GPR158: variants seen among roughly 807,000 people sequenced by gnomAD.
The protein encoded by GPR158 is metabotropic glycine receptor.
In GPR158, 30 loss-of-function variants were observed where a neutral mutation model predicts 78.2. That is an observed-to-expected ratio of 0.38 (90% CI 0.29 to 0.52). GPR158 has a LOEUF of 0.52. Among genes scored for constraint, GPR158 ranks in the 20% least tolerant of loss-of-function variants. The pLI, the probability that GPR158 is intolerant of heterozygous loss-of-function variation, is 0.83. For synonymous variants in GPR158, 581 were observed against 591.1 expected (o/e 0.98, Z 0.25); for missense variants, 1,463 against 1,523.5 (o/e 0.96, Z 0.66).
At chr10:25,350,645 G>A (rs1407547396) in intron 2 of GPR158, among the ~76,000 whole-genome samples, 2 of 151,992 alleles carry the variant, frequency 1.3e-5, no homozygotes, top group African/African-American at 2.4e-5. Context: ...CCAGGGAGGG[G>A]TGTATTGGCA....
At chr10:25,258,616 A>G (rs1853922353) in intron 2 of GPR158, among the ~76,000 whole-genome samples, 1 of 152,028 alleles carries the variant, frequency 6.6e-6, no homozygotes, top group African/African-American at 2.4e-5. Context: ...TTATGGTAGG[A>G]GGTAGGAATT....
chr10:25,267,686 G>A (rs1854061295), intron 2 of GPR158, among the ~76,000 whole-genome samples: 1 of 152,242 alleles, frequency 6.6e-6, no homozygotes, highest in South Asian at 2.1e-4. Flanking sequence ...AATTTGACAA[G>A]ATTCTTTGTG....
intron 4 of GPR158, among the ~76,000 whole-genome samples, chr10:25,417,494 A>C (rs1461329998): frequency 6.6e-6 from 1 of 152,198 alleles, no homozygotes; most frequent in African/African-American, 2.4e-5. Context: ...TCTATGCATG[A>C]AATCTATTTT....
intron 2 of GPR158, among the ~76,000 whole-genome samples, chr10:25,374,680 T>C (rs777362400): frequency 2.6e-5 from 4 of 151,752 alleles, no homozygotes; most frequent in Non-Finnish European, 4.4e-5. Flanking sequence ...GACTGTTTTC[T>C]CCGCATAATT....
intron 2 of GPR158, among the ~76,000 whole-genome samples, chr10:25,241,129 CTTTCTTTCTT>C (rs1419168326): frequency 4.3e-4 from 17 of 39,176 alleles, no homozygotes; most frequent in East Asian, 9.0e-4. Context: ...CTTTGATTTT[CTTTCTTTCTT>C]TCTTTCTTTC....
chr10:25,466,267 G>A (rs578033652), intron 4 of GPR158: 19 of 164,314 alleles, frequency 1.2e-4, no homozygotes, highest in Non-Finnish European at 2.0e-4. Flanking sequence ...TCGCCGCTGT[G>A]GTCCACGGTT....
intron 2 of GPR158, among the ~76,000 whole-genome samples, chr10:25,354,332 T>G (rs57341259): frequency 0.1 from 14,849 of 147,876 alleles, 1,821 homozygotes; most frequent in African/African-American, 0.3. Flanking sequence ...TCCAGCCTGG[T>G]CAACAAGAGT....
chr10:25,356,396 CT>C (rs200143277), intron 2 of GPR158, among the ~76,000 whole-genome samples: 4 of 151,826 alleles, frequency 2.6e-5, no homozygotes, highest in African/African-American at 9.7e-5. Flanking sequence ...CCCTTTGCGA[CT>C]TTTTTTTGTT....
intron 6 of GPR158, among the ~76,000 whole-genome samples, chr10:25,552,486 T>A (rs200186380): frequency 0.073 from 11,051 of 152,210 alleles, 874 homozygotes; most frequent in East Asian, 0.46. Flanking sequence ...TCCCTGTTAG[T>A]CTAGCATTTA....
intron 2 of GPR158, among the ~76,000 whole-genome samples, chr10:25,259,156 A>G (rs1474451080): frequency 6.6e-6 from 1 of 152,180 alleles, no homozygotes; most frequent in Non-Finnish European, 1.5e-5. Context: ...AAATCCACAT[A>G]TAAGCAGTTC....
At chr10:25,521,269 C>G (rs921702540) in intron 5 of GPR158, among the ~76,000 whole-genome samples, 30 of 152,334 alleles carry the variant, frequency 2.0e-4, no homozygotes, top group Middle Eastern at 3.4e-3. Context: ...CTGTCTGGCA[C>G]TCCCTAGTGA....
chr10:25,587,327 G>T (rs2130746236), intron 7 of GPR158, among the ~76,000 whole-genome samples: 1 of 152,338 alleles, frequency 6.6e-6, no homozygotes, highest in African/African-American at 2.4e-5. Context: ...ACAAATATCA[G>T]TTCTGTGGGA....
At chr10:25,586,513 CT>C (rs1376401510) in intron 7 of GPR158, among the ~76,000 whole-genome samples, 1 of 151,274 alleles carries the variant, frequency 6.6e-6, no homozygotes, top group African/African-American at 2.4e-5. Flanking sequence ...AGCAATTCGC[CT>C]GCCTCAGCCT....
At chr10:25,466,487 T>C in intron 4 of GPR158, 164 bp from the exon 5 acceptor site, 1 of 519,810 alleles carries the variant, frequency 1.9e-6, no homozygotes, top group Non-Finnish European at 3.4e-6. Flanking sequence ...TCTTTTTGCA[T>C]GTTCTAGTTT....
intron 6 of GPR158, among the ~76,000 whole-genome samples, chr10:25,557,565 T>C (rs11014605): frequency 0.049 from 7,416 of 152,330 alleles, 686 homozygotes; most frequent in East Asian, 0.48. Flanking sequence ...GATCCTACTG[T>C]CCTGTCCGGC....
At chr10:25,300,536 T>G (rs1854577535) in intron 2 of GPR158, among the ~76,000 whole-genome samples, 1 of 148,066 alleles carries the variant, frequency 6.8e-6, no homozygotes, top group East Asian at 1.9e-4. Context: ...TGGGCATCTT[T>G]GGGATTGGAA....
intron 2 of GPR158, among the ~76,000 whole-genome samples, chr10:25,235,346 T>C (rs542145831): frequency 6.6e-5 from 10 of 152,242 alleles, no homozygotes; most frequent in African/African-American, 2.4e-4. Flanking sequence ...TCCATGATGC[T>C]TTGATATGCT....
chr10:25,347,990 G>C (rs892951092), intron 2 of GPR158, among the ~76,000 whole-genome samples: 2 of 151,776 alleles, frequency 1.3e-5, no homozygotes, highest in Admixed American at 6.6e-5. Context: ...AAGTCTTTGC[G>C]GCAAATGTCT....
chr10:25,441,632 G>A (rs1835069684), intron 4 of GPR158, among the ~76,000 whole-genome samples: 1 of 152,062 alleles, frequency 6.6e-6, no homozygotes, highest in Admixed American at 6.6e-5. Context: ...CTTGCAATAG[G>A]GTCTCCAAGA....
Sources: allele counts gnomAD v4.1 joint callset (sites outside exome capture counted in the v4.1 genomes callset), GRCh38; gene constraint gnomAD v4.1.1; transcripts MANE v1.5; gene names NCBI Gene and HGNC (gene_info 2026-07-23, HGNC 2026-07-21).